PRKDC: variants seen among roughly 807,000 people sequenced by gnomAD.
PRKDC encodes DNA-dependent protein kinase catalytic subunit.
Under a neutral mutation model 486.9 loss-of-function variants are expected in PRKDC, and 82 were observed. The ratio of observed to expected loss-of-function variants is 0.17; its 90% CI spans 0.14 to 0.20. PRKDC has a LOEUF of 0.20. Ranked by LOEUF, PRKDC falls within the 10% of genes least tolerant of loss-of-function variation. The pLI, the probability that PRKDC is intolerant of heterozygous loss-of-function variation, is 1.00. For synonymous variants in PRKDC, 1,895 were observed against 1,837.0 expected, an observed-to-expected ratio of 1.03 and a Z score of -0.81; for missense variants, 4,504 against 5,038.2, an observed-to-expected ratio of 0.89 and a Z score of 3.21.
At chr8:47,777,642 G>A (rs753601772) in intron 84 of PRKDC, 44 bp downstream of exon 84, 2 of 1,515,440 alleles carry the variant, frequency 1.3e-6, no homozygotes, top group Admixed American at 4.0e-5. Context: ...TGATCACGGG[G>A]ACACTGTCAC....
At chr8:47,948,422 A>G (rs1014810223) in intron 7 of PRKDC, among the ~76,000 whole-genome samples, 26 of 138,394 alleles carry the variant, frequency 1.9e-4, no homozygotes, top group Middle Eastern at 9.4e-3. Flanking sequence ...AATTATTTTT[A>G]TAAGTCATTC....
intron 68 of PRKDC, among the ~76,000 whole-genome samples, chr8:47,807,565 C>A (rs2087241573): frequency 7.0e-6 from 1 of 142,814 alleles, no homozygotes; most frequent in African/African-American, 2.6e-5. Context: ...ACTACAGGCG[C>A]CTGCCACTAC....
chr8:47,830,613 C>G lies in PRKDC; in HGVS notation c.8389G>C (p.Val2797Leu). Reference protein sequence around the residue: ...HSSLITPLQAVAQRDPIIAKQ... With the variant: ...HSSLITPLQALAQRDPIIAKQ... ...CAGCGGCAAAAACTGACCTGGGCCA[C>G]GGCCTGTAACGGGGTGATGAGGCTG... The change falls in exon 61 of 86, where the codon GTG becomes CTG. Residue 2797 changes from valine to leucine, a missense_variant. Around this residue, in one of 6 missense-constraint regions of PRKDC, gnomAD observed 1,592 missense variants for 1,724.6 expected, o/e 0.92. Coordinates refer to ENST00000314191, the MANE Select transcript of PRKDC (RefSeq NM_006904.7). The G allele has an allele frequency of 1.2e-6, 2 of 1,613,588 alleles. No homozygotes were observed. The highest frequency in any genetic ancestry group is 1.7e-6 in the Non-Finnish European group (2 of 1,179,666).
At chr8:47,845,638 C>T (rs373719286) in intron 54 of PRKDC, among the ~76,000 whole-genome samples, 45 of 151,400 alleles carry the variant, frequency 3.0e-4, no homozygotes, top group African/African-American at 1.1e-3. Context: ...CCTGAACAGA[C>T]CAATCAGGAG....
chr8:47,918,061 G>A (rs2090015459), intron 22 of PRKDC, among the ~76,000 whole-genome samples: 1 of 152,158 alleles, frequency 6.6e-6, no homozygotes, highest in African/African-American at 2.4e-5. Flanking sequence ...TGCCCAGGCT[G>A]AGCTCAAGCG....
intron 27 of PRKDC, among the ~76,000 whole-genome samples, chr8:47,901,417 T>C (rs1323949153): frequency 6.6e-6 from 1 of 151,736 alleles, no homozygotes; most frequent in Non-Finnish European, 1.5e-5. Flanking sequence ...GAGGTTGCAG[T>C]GAGCCGAGAT....
intron 77 of PRKDC, chr8:47,784,021 G>A: frequency 1.9e-6 from 1 of 526,388 alleles, no homozygotes; most frequent in Non-Finnish European, 3.4e-6. Flanking sequence ...CACTTTGGGA[G>A]GCCAAGGCGA....
At chr8:47,833,424 C>A (rs2087935401) in intron 59 of PRKDC, among the ~76,000 whole-genome samples, 1 of 152,110 alleles carries the variant, frequency 6.6e-6, no homozygotes. Flanking sequence ...TTGTTCCCTC[C>A]CAGAGCCTCA....
intron 21 of PRKDC, among the ~76,000 whole-genome samples, chr8:47,919,043 G>A (rs1430894933): frequency 2.0e-5 from 3 of 151,936 alleles, no homozygotes; most frequent in South Asian, 2.1e-4. Context: ...GTAAGTGACC[G>A]ACTCAACACC....
Position 47,912,465 on chromosome 8 carries a change from T to C in PRKDC, c.2879A>G (p.Gln960Arg), listed in dbSNP as rs965704897. The C allele has an allele frequency of 4.3e-6, 7 of 1,612,000 alleles. No homozygotes were observed. The Admixed American group carries it at 1.2e-4, about 27-fold the overall frequency. Residue 960 changes from glutamine (Q) to arginine (R), a missense_variant, in exon 25 of 86, where the codon CAG (glutamine) becomes CGG (arginine). Around this residue, in one of 6 missense-constraint regions of PRKDC, gnomAD observed 1,969 missense variants for 2,068.9 expected, o/e 0.95. Coordinates refer to ENST00000314191, the MANE Select transcript of PRKDC (RefSeq NM_006904.7). The stretch of plus-strand genomic sequence containing the variant: ...CACAGGAAACGTCCGCTTATAGAGC[T>C]GGTACATGGGTGGGGCTCCCTGTCC... ...EGGQGAPPMYQLYKRTFPVLL... is the reference protein window; with the variant it reads ...EGGQGAPPMYRLYKRTFPVLL...
chr8:47,896,529 C>T (rs1170355064), intron 30 of PRKDC, among the ~76,000 whole-genome samples: 2 of 152,110 alleles, frequency 1.3e-5, no homozygotes, highest in Admixed American at 6.5e-5. Flanking sequence ...TGCCTGTAGT[C>T]CCAGCTACTT....
chr8:47,945,702 C>A (rs1315995715), intron 7 of PRKDC, among the ~76,000 whole-genome samples: 4 of 152,166 alleles, frequency 2.6e-5, no homozygotes, highest in Non-Finnish European at 5.9e-5. Flanking sequence ...GGACTTGCTG[C>A]TAGGAACATA....
In PRKDC at chr8:47,912,523, T is replaced by G. The variant is rs531235991; in HGVS notation, c.2821A>C (p.Met941Leu). The change falls in exon 25 of 86, where the codon ATG becomes CTG. Residue 941 changes from methionine to leucine, a missense_variant. This residue lies in a region of PRKDC where 1,969 missense variants were observed against 2,068.9 expected (regional missense o/e 0.95). Transcript: ENST00000314191. The stretch of plus-strand genomic sequence containing the variant: ...GGCATCTGCGTGGCTTTGCCCAACA[T>G]AAACATAACCATGCTATGTAAAAGT... ...CELLHSMVMF[M>L]LGKATQMPEG... is the part of the protein sequence containing the mutation. The G allele has an allele frequency of 6.2e-7, 1 of 1,612,552 alleles. No homozygotes were observed. Among genetic ancestry groups the G allele is most frequent in the African/African-American group, 1.3e-5 (1 of 74,874 alleles).
intron 57 of PRKDC, among the ~76,000 whole-genome samples, chr8:47,836,776 A>G (rs902497741): frequency 3.3e-5 from 5 of 152,238 alleles, no homozygotes; most frequent in Non-Finnish European, 7.3e-5. Context: ...AAGGTTTGAT[A>G]TCATGCTCAG....
At chr8:47,855,185 A>T (rs2088505896) in intron 50 of PRKDC, 37 bp downstream of exon 50, 4 of 1,516,500 alleles carry the variant, frequency 2.6e-6, no homozygotes, top group Admixed American at 2.2e-5. Flanking sequence ...TTTTAACCTA[A>T]ATTTCTAAAC....
intron 68 of PRKDC, among the ~76,000 whole-genome samples, chr8:47,807,639 C>T (rs750390521): frequency 2.7e-5 from 4 of 149,884 alleles, no homozygotes; most frequent in South Asian, 2.1e-4. Flanking sequence ...AGGATGGTCT[C>T]GATCTCCTGA....
At chr8:47,914,883 G>C (rs946612475) in intron 23 of PRKDC, among the ~76,000 whole-genome samples, 6 of 151,790 alleles carry the variant, frequency 4.0e-5, no homozygotes, top group African/African-American at 2.4e-5. Context: ...TCAAACTCCT[G>C]AGCGCAGGCA....
At chr8:47,857,100 CT>C (rs1210619822) in intron 49 of PRKDC, 55 bp downstream of exon 49, 199 of 1,557,594 alleles carry the variant, frequency 1.3e-4, no homozygotes, top group Admixed American at 2.5e-4. Flanking sequence ...GTCATAGGCT[CT>C]ATAGGCTATT....
At chr8:47,781,727 T>G (rs1056775640) in intron 80 of PRKDC, among the ~76,000 whole-genome samples, 1 of 152,192 alleles carries the variant, frequency 6.6e-6, no homozygotes, top group Non-Finnish European at 1.5e-5. Flanking sequence ...TACCCCACTT[T>G]ACAGGCTAAG....
Sources: gnomAD v4.1 joint callset for allele counts (sites outside exome capture counted in the v4.1 genomes callset) on GRCh38, gnomAD v4.1.1 for gene constraint, gnomAD v4.1.1 regional missense constraint, MANE v1.5 for transcripts, NCBI Gene and HGNC (gene_info 2026-07-23, HGNC 2026-07-21) for gene names.